Variants in HS6ST2 observed in about 807,000 individuals in gnomAD.
HS6ST2 encodes the protein heparan sulfate 6-O-sulfotransferase 2, also known as heparan-sulfate 6-O-sulfotransferase 2.
In HS6ST2, 17 loss-of-function variants were observed where a neutral mutation model predicts 33.0. That is an observed-to-expected ratio of 0.52 (90% CI 0.35 to 0.77). The LOEUF (loss-of-function observed/expected upper bound fraction) is 0.77, where lower values mean the gene tolerates loss of function less well. Among genes scored for constraint, HS6ST2 ranks in the 30% least tolerant of loss-of-function variants. HS6ST2 has a pLI of 0.01. For missense variants in HS6ST2, 519 were observed against 551.7 expected, an observed-to-expected ratio of 0.94 and a Z score of 0.59; for synonymous variants, 248 against 237.1, an observed-to-expected ratio of 1.05 and a Z score of -0.42.
chrX:132,886,171 A>C (rs1448595705), intron 2 of HS6ST2, among the ~76,000 whole-genome samples: 1 of 111,970 alleles, frequency 8.9e-6, no homozygotes, highest in Non-Finnish European at 1.9e-5. Flanking sequence ...AACTAAAGGA[A>C]CCCACGTTTA....
At chrX:132,921,402 G>T (rs1426509474) in intron 2 of HS6ST2, among the ~76,000 whole-genome samples, 3 of 112,377 alleles carry the variant, frequency 2.7e-5, no homozygotes, top group Admixed American at 9.4e-5. Context: ...TTCCTGAAAA[G>T]CTGGCTATTG....
chrX:132,852,333 C>T (rs1463276083), intron 2 of HS6ST2, among the ~76,000 whole-genome samples: 1 of 111,756 alleles, frequency 8.9e-6, no homozygotes, highest in East Asian at 2.8e-4. Context: ...ATAAACATGA[C>T]ATTGTCTCTA....
intron 2 of HS6ST2, among the ~76,000 whole-genome samples, chrX:132,845,445 G>T (rs1350558207): frequency 9.0e-6 from 1 of 111,267 alleles, no homozygotes; most frequent in African/African-American, 3.3e-5. Context: ...CAAAATTGAG[G>T]TAGAAGCTCT....
intron 2 of HS6ST2, among the ~76,000 whole-genome samples, chrX:132,903,734 T>C (rs1329548656): frequency 8.9e-6 from 1 of 112,268 alleles, no homozygotes. Context: ...GACCATTATT[T>C]TGCAGCATAA....
At chrX:132,676,666 C>G (rs1317847427) in intron 3 of HS6ST2, among the ~76,000 whole-genome samples, 1 of 111,274 alleles carries the variant, frequency 9.0e-6, no homozygotes, top group East Asian at 2.9e-4. Flanking sequence ...GCAGGGACCC[C>G]CAGAGTTTCT....
intron 2 of HS6ST2, among the ~76,000 whole-genome samples, chrX:132,871,610 T>C (rs2066058180): frequency 9.0e-6 from 1 of 111,564 alleles, no homozygotes; most frequent in Non-Finnish European, 1.9e-5. Context: ...AGAAAAAGGA[T>C]GATTTCATGT....
chrX:132,699,892 C>T (rs1050138830), intron 3 of HS6ST2, among the ~76,000 whole-genome samples: 5 of 112,161 alleles, frequency 4.5e-5, no homozygotes, highest in African/African-American at 1.6e-4. Flanking sequence ...TATGAAAAAA[C>T]GGGAGAAAGA....
intron 2 of HS6ST2, among the ~76,000 whole-genome samples, chrX:132,766,326 A>T (rs1465806865): frequency 1.8e-5 from 2 of 112,451 alleles, no homozygotes; most frequent in Non-Finnish European, 3.8e-5. Flanking sequence ...GATATGATTG[A>T]TATCATATCT....
intron 2 of HS6ST2, among the ~76,000 whole-genome samples, chrX:132,926,879 C>A (rs916504672): frequency 8.9e-6 from 1 of 111,743 alleles, no homozygotes; most frequent in Non-Finnish European, 1.9e-5. Context: ...ACTGAGATCG[C>A]ACCAATGCAC....
intron 2 of HS6ST2, among the ~76,000 whole-genome samples, chrX:132,798,947 C>A (rs1346507105): frequency 8.9e-6 from 1 of 111,819 alleles, no homozygotes; most frequent in African/African-American, 3.2e-5. Context: ...TGTCTATGTC[C>A]CCAGAACCTT....
At chrX:132,879,146 C>G (rs1045365262) in intron 2 of HS6ST2, among the ~76,000 whole-genome samples, 1 of 111,469 alleles carries the variant, frequency 9.0e-6, no homozygotes, top group Non-Finnish European at 1.9e-5. Context: ...GTTCCAAGGG[C>G]CTTCTACCGC....
rs750995415 is a variant in HS6ST2, at chrX:132,670,596, G to A, written c.981-1397C>T. Among the ~76,000 whole-genome samples, 64 of 111,571 alleles carry A rather than the reference G, an allele frequency of 5.7e-4. 1 individual carries two copies. Among genetic ancestry groups the A allele is most frequent in the Admixed American group, 3.6e-3 (38 of 10,555 alleles). Reference sequence around the variant, plus strand: ...AGGCGGATCACGAGGTCAGGAGTTCGAGACCAGCCTGGCCAACATAGCAAA... The same window carrying A: ...AGGCGGATCACGAGGTCAGGAGTTCAAGACCAGCCTGGCCAACATAGCAAA... On this transcript the variant is annotated intron_variant, in intron 3 of 4. Coordinates refer to ENST00000370833, the MANE Select transcript of HS6ST2 (RefSeq NM_001394073.1).
At chrX:132,746,117 A>C (rs1196820407) in intron 2 of HS6ST2, among the ~76,000 whole-genome samples, 1 of 111,411 alleles carries the variant, frequency 9.0e-6, no homozygotes, top group Non-Finnish European at 1.9e-5. Context: ...GGCTTTTAGG[A>C]ATGGGAATAT....
At chrX:132,631,278 T>TA (rs2063515334) in intron 4 of HS6ST2, among the ~76,000 whole-genome samples, 1 of 112,094 alleles carries the variant, frequency 8.9e-6, no homozygotes, top group African/African-American at 3.2e-5. Context: ...ACTTTATATA[T>TA]TTTTTCAGGA....
At chrX:132,723,980 C>CAA (rs59348727) in intron 2 of HS6ST2, among the ~76,000 whole-genome samples, 5 of 106,817 alleles carry the variant, frequency 4.7e-5, no homozygotes, top group African/African-American at 1.7e-4. Context: ...ACTAAAAATA[C>CAA]AAAAAAAAAA....
chrX:132,797,539 A>T (rs1293639708), intron 2 of HS6ST2, among the ~76,000 whole-genome samples: 1 of 112,368 alleles, frequency 8.9e-6, no homozygotes, highest in Admixed American at 9.4e-5. Flanking sequence ...GTGCGAACAG[A>T]GGTTTGGACC....
chrX:132,902,147 G>A (rs1331599129), intron 2 of HS6ST2, among the ~76,000 whole-genome samples: 1 of 107,735 alleles, frequency 9.3e-6, no homozygotes, highest in South Asian at 4.3e-4. Flanking sequence ...TTTAACCCAG[G>A]CTGGAGTGCA....
At chrX:132,701,177 T>A (rs1217007413) in intron 3 of HS6ST2, among the ~76,000 whole-genome samples, 1 of 112,340 alleles carries the variant, frequency 8.9e-6, no homozygotes, top group African/African-American at 3.2e-5. Context: ...GATAAGTCAT[T>A]GCCTTGATGT....
intron 2 of HS6ST2, among the ~76,000 whole-genome samples, chrX:132,819,242 A>G (rs1202693174): frequency 9.0e-6 from 1 of 111,105 alleles, no homozygotes; most frequent in Non-Finnish European, 1.9e-5. Flanking sequence ...AATGCCTTTA[A>G]ATCAGGAGTG....
Sources: allele counts gnomAD v4.1 joint callset (sites outside exome capture counted in the v4.1 genomes callset), GRCh38; gene constraint gnomAD v4.1.1; transcripts MANE v1.5; gene names NCBI Gene and HGNC (gene_info 2026-07-23, HGNC 2026-07-21).